Variants in SH2D4B observed in about 807,000 individuals in gnomAD.
The protein encoded by SH2D4B is SH2 domain-containing protein 4B.
In SH2D4B, 45 loss-of-function variants were observed where a neutral mutation model predicts 61.5. The observed-to-expected ratio is 0.73, with a 90% CI of 0.58 to 0.94. The LOEUF is 0.94. SH2D4B is among the 40% of genes least tolerant of loss of function. SH2D4B has a pLI of 0.00. For missense variants in SH2D4B, 572 were observed against 574.2 expected (o/e 1.00, Z 0.04); for synonymous variants, 224 against 220.4 (o/e 1.02, Z -0.14).
At chr10:80,606,766 G>A (rs1257635967) in intron 5 of SH2D4B, among the ~76,000 whole-genome samples, 1 of 152,090 alleles carries the variant, frequency 6.6e-6, no homozygotes, top group East Asian at 1.9e-4. Flanking sequence ...TTTTTACCCA[G>A]GCCCTACTCT....
chr10:80,595,458 G>C (rs11186210), intron 4 of SH2D4B, among the ~76,000 whole-genome samples: 34 of 152,180 alleles, frequency 2.2e-4, no homozygotes, highest in African/African-American at 7.5e-4. Flanking sequence ...AAGTGAGGGG[G>C]CCCATGGTCC....
intron 6 of SH2D4B, among the ~76,000 whole-genome samples, chr10:80,619,818 G>T (rs917502489): frequency 1.3e-5 from 2 of 152,252 alleles, no homozygotes; most frequent in Admixed American, 6.5e-5. Flanking sequence ...CAACAGGATA[G>T]TATATTTAAT....
At chr10:80,546,046 C>CTTT (rs577179576) in intron 1 of SH2D4B, among the ~76,000 whole-genome samples, 4 of 130,422 alleles carry the variant, frequency 3.1e-5, no homozygotes, top group Admixed American at 7.9e-5. Context: ...CTCTCTCTTT[C>CTTT]TTTTTTTTTT....
intron 6 of SH2D4B, among the ~76,000 whole-genome samples, chr10:80,620,013 C>T (rs1305560052): frequency 6.6e-6 from 1 of 152,206 alleles, no homozygotes; most frequent in African/African-American, 2.4e-5. Context: ...TATCTTGGCT[C>T]ATCCAAAACA....
At chr10:80,566,991 A>G (rs946513245) in intron 1 of SH2D4B, among the ~76,000 whole-genome samples, 4 of 152,220 alleles carry the variant, frequency 2.6e-5, no homozygotes, top group Non-Finnish European at 5.9e-5. Context: ...GCATGTAGAA[A>G]AACCTGAAAT....
chr10:80,563,975 G>T (rs563919725), intron 1 of SH2D4B, among the ~76,000 whole-genome samples: 8 of 152,136 alleles, frequency 5.3e-5, no homozygotes, highest in Non-Finnish European at 1.2e-4. Flanking sequence ...TATAAAACAC[G>T]TTGAACTGCA....
chr10:80,605,029 G>A (rs1279120036), intron 5 of SH2D4B, among the ~76,000 whole-genome samples: 2 of 152,166 alleles, frequency 1.3e-5, no homozygotes, highest in Non-Finnish European at 2.9e-5. Flanking sequence ...TCCTGACCTT[G>A]TGATCTGCCC....
At chr10:80,628,443 C>G (rs943330356) in intron 6 of SH2D4B, among the ~76,000 whole-genome samples, 1 of 152,148 alleles carries the variant, frequency 6.6e-6, no homozygotes. Flanking sequence ...GATTGTGAGG[C>G]CTCCCCAGCC....
chr10:80,584,961 G>A (rs1842226377), intron 3 of SH2D4B, among the ~76,000 whole-genome samples: 1 of 152,202 alleles, frequency 6.6e-6, no homozygotes, highest in Non-Finnish European at 1.5e-5. Flanking sequence ...TGGCCTCCAG[G>A]CATTGGTTTA....
intron 7 of SH2D4B, among the ~76,000 whole-genome samples, chr10:80,643,731 C>G (rs562650496): frequency 2.0e-4 from 30 of 152,132 alleles, no homozygotes; most frequent in African/African-American, 7.0e-4. Context: ...TCTGACAAGC[C>G]CCTCCTGCAT....
chr10:80,636,657 TC>T (rs1368466445), intron 7 of SH2D4B, among the ~76,000 whole-genome samples: 1 of 152,208 alleles, frequency 6.6e-6, no homozygotes, highest in East Asian at 1.9e-4. Flanking sequence ...TTGTTTTTTT[TC>T]TTGTAAATTT....
chr10:80,549,509 G>A (rs1841729195), intron 1 of SH2D4B, among the ~76,000 whole-genome samples: 1 of 151,792 alleles, frequency 6.6e-6, no homozygotes, highest in African/African-American at 2.4e-5. Flanking sequence ...ATCTCCCCTG[G>A]AGCTCAGACC....
intron 6 of SH2D4B, among the ~76,000 whole-genome samples, chr10:80,627,329 AG>A (rs1169828413): frequency 1.3e-5 from 2 of 152,220 alleles, no homozygotes; most frequent in Non-Finnish European, 1.5e-5. Context: ...CGCTGCCCTC[AG>A]AATTAATCCT....
At chr10:80,601,515 A>G (rs749624446) in intron 4 of SH2D4B, among the ~76,000 whole-genome samples, 7 of 152,202 alleles carry the variant, frequency 4.6e-5, no homozygotes, top group Non-Finnish European at 1.0e-4. Flanking sequence ...GTCATACAAA[A>G]ATACGTATCG....
intron 1 of SH2D4B, among the ~76,000 whole-genome samples, chr10:80,569,253 G>C (rs914265488): frequency 6.6e-6 from 1 of 152,164 alleles, no homozygotes; most frequent in African/African-American, 2.4e-5. Flanking sequence ...TGGACATGAG[G>C]CAGAGAGTGC....
At chr10:80,541,473 G>A (rs1841577937) in intron 1 of SH2D4B, among the ~76,000 whole-genome samples, 2 of 152,146 alleles carry the variant, frequency 1.3e-5, no homozygotes, top group African/African-American at 2.4e-5. Context: ...GCCCTGCTGA[G>A]CTGTTTGCTG....
chr10:80,569,507 A>C (rs2132117187), intron 1 of SH2D4B, among the ~76,000 whole-genome samples: 1 of 127,432 alleles, frequency 7.8e-6, no homozygotes, highest in African/African-American at 3.0e-5. Flanking sequence ...AGCTAATATG[A>C]ATTTTGGGTT....
At chr10:80,584,920 G>A (rs1913760) in intron 3 of SH2D4B, among the ~76,000 whole-genome samples, 40,847 of 152,050 alleles carry the variant, frequency 0.27, 6,425 homozygotes, top group African/African-American at 0.43. Flanking sequence ...ACGTAGCCAA[G>A]CAAAGGAACA....
intron 1 of SH2D4B, among the ~76,000 whole-genome samples, chr10:80,557,095 A>G (rs1564767707): frequency 6.6e-6 from 1 of 152,088 alleles, no homozygotes; most frequent in Non-Finnish European, 1.5e-5. Flanking sequence ...GAGAATCTTT[A>G]CTAGGAATGG....
Sources: allele counts gnomAD v4.1 joint callset (sites outside exome capture counted in the v4.1 genomes callset), GRCh38; gene constraint gnomAD v4.1.1; transcripts MANE v1.5; gene names NCBI Gene and HGNC (gene_info 2026-07-23, HGNC 2026-07-21).